Variants in ST6GALNAC5 observed in about 807,000 individuals in gnomAD.
ST6GALNAC5 encodes ST6 N-acetylgalactosaminide alpha-2,6-sialyltransferase 5, also known as alpha-N-acetylgalactosaminide alpha-2,6-sialyltransferase 5.
In ST6GALNAC5, 27 loss-of-function variants were observed where a neutral mutation model predicts 33.6. That is an observed-to-expected ratio of 0.80 (90% CI 0.59 to 1.11). The LOEUF (loss-of-function observed/expected upper bound fraction) is 1.11. Ranked by LOEUF, ST6GALNAC5 falls within the 50% of genes least tolerant of loss-of-function variation. ST6GALNAC5 has a pLI of 0.00. For missense variants in ST6GALNAC5, 428 were observed against 454.0 expected, an observed-to-expected ratio of 0.94 and a Z score of 0.52; for synonymous variants, 194 against 171.2, an observed-to-expected ratio of 1.13 and a Z score of -1.04.
At chr1:76,914,547 A>G (rs1646949060) in intron 2 of ST6GALNAC5, among the ~76,000 whole-genome samples, 1 of 152,176 alleles carries the variant, frequency 6.6e-6, no homozygotes, top group South Asian at 2.1e-4. Context: ...CATATCTACA[A>G]CTATCTGATC....
intron 4 of ST6GALNAC5, among the ~76,000 whole-genome samples, chr1:77,051,422 A>C (rs1417204568): frequency 6.6e-6 from 1 of 152,178 alleles, no homozygotes; most frequent in Non-Finnish European, 1.5e-5. Context: ...AGGGTCAAAA[A>C]TGCTGGGGCT....
At chr1:77,006,772 T>C (rs1185003352) in intron 2 of ST6GALNAC5, among the ~76,000 whole-genome samples, 2 of 152,236 alleles carry the variant, frequency 1.3e-5, no homozygotes, top group African/African-American at 2.4e-5. Flanking sequence ...CTCACAATTA[T>C]ACTGGGTGGC....
chr1:76,978,430 A>G (rs1340739375), intron 2 of ST6GALNAC5, among the ~76,000 whole-genome samples: 1 of 152,184 alleles, frequency 6.6e-6, no homozygotes, highest in Non-Finnish European at 1.5e-5. Flanking sequence ...ATGATTCACC[A>G]TGATCAACTG....
intron 2 of ST6GALNAC5, among the ~76,000 whole-genome samples, chr1:77,015,369 G>A (rs1650791803): frequency 6.6e-6 from 1 of 152,020 alleles, no homozygotes; most frequent in South Asian, 2.1e-4. Context: ...ACCACACTGG[G>A]TAGGACCAGC....
chr1:76,924,657 T>C (rs1221832511), intron 2 of ST6GALNAC5, among the ~76,000 whole-genome samples: 1 of 152,146 alleles, frequency 6.6e-6, no homozygotes, highest in Non-Finnish European at 1.5e-5. Context: ...ATCTACACCA[T>C]ATCCTTGGTG....
In ST6GALNAC5 at chr1:76,992,913, A is replaced by ACT. The variant is rs563273099; in HGVS notation, c.262-51288_262-51287dup. Among the ~76,000 whole-genome samples, 320 of 152,166 alleles carry ACT rather than the reference A, an allele frequency of 2.1e-3. 1 individual carries two copies. Among genetic ancestry groups the ACT allele is most frequent in the Middle Eastern group, 3.4e-3 (1 of 294 alleles). ...TGCAGGTTAGAGACAAAGTATGTCC[A>ACT]CTCTAGGTTCTTGCTGCCCTTGAGC... On this transcript the variant is annotated intron_variant, in intron 2 of 4. Transcript: ENST00000477717.
chr1:76,948,882 T>C (rs897124460), intron 2 of ST6GALNAC5, among the ~76,000 whole-genome samples: 1 of 152,162 alleles, frequency 6.6e-6, no homozygotes, highest in East Asian at 1.9e-4. Flanking sequence ...TACTGAATAT[T>C]CTGTGACACT....
At chr1:76,992,908 T>C (rs1649792846) in intron 2 of ST6GALNAC5, among the ~76,000 whole-genome samples, 1 of 152,192 alleles carries the variant, frequency 6.6e-6, no homozygotes, top group Non-Finnish European at 1.5e-5. Flanking sequence ...AGACAAAGTA[T>C]GTCCACTCTA....
In ST6GALNAC5 at chr1:76,902,976, C is replaced by T. The variant is rs376971980; in HGVS notation, c.261+34234C>T. Among the ~76,000 whole-genome samples, 7 of 152,228 alleles carry T rather than the reference C, an allele frequency of 4.6e-5. No homozygotes were observed. The East Asian group carries it at 1.2e-3, about 25-fold the overall frequency. ...ACTCAGGGATAAATCTGCAGGACCT[C>T]AGATTTGCCAACGAATTCTTAGGTG... is the stretch of plus-strand genomic sequence containing the variant. On this transcript the variant is annotated intron_variant, in intron 2 of 4. Coordinates refer to ENST00000477717, the MANE Select transcript of ST6GALNAC5 (RefSeq NM_030965.3).
chr1:76,977,343 C>A (rs1393250452), intron 2 of ST6GALNAC5, among the ~76,000 whole-genome samples: 1 of 152,052 alleles, frequency 6.6e-6, no homozygotes, highest in African/African-American at 2.4e-5. Flanking sequence ...TCTCTTTTTG[C>A]TGTCTTGAAA....
At position 76,974,913 on chromosome 1, in the gene ST6GALNAC5, G is replaced by A. The variant is rs1317941677; in HGVS notation, c.262-69291G>A. ...TTATTCTCCTGCCTTAGCCTCCTGA[G>A]TAGCTGGGATTACAGGCATGCACCA... On this transcript the variant is annotated intron_variant, in intron 2 of 4. Coordinates refer to ENST00000477717, the MANE Select transcript of ST6GALNAC5 (RefSeq NM_030965.3). Among the ~76,000 whole-genome samples, 5 of 149,624 alleles carry A rather than the reference G, an allele frequency of 3.3e-5. No homozygotes were observed. The East Asian group carries it at 6.1e-4, about 18-fold the overall frequency.
Position 76,979,142 on chromosome 1 carries a change from G to A in ST6GALNAC5, c.262-65062G>A, listed in dbSNP as rs534622825. Among the ~76,000 whole-genome samples, 9 of 152,062 alleles carry A rather than the reference G, an allele frequency of 5.9e-5. No individual in the cohort carries two copies. The South Asian group carries it at 1.7e-3, about 28-fold the overall frequency. On this transcript the variant is annotated intron_variant, in intron 2 of 4. Coordinates refer to ENST00000477717, the MANE Select transcript of ST6GALNAC5 (RefSeq NM_030965.3). ...AATAAGACACAAAAAAAATGGAAAG[G>A]TAACATGTGATTATGGATTGGAAGA... is the stretch of plus-strand genomic sequence containing the variant.
intron 2 of ST6GALNAC5, among the ~76,000 whole-genome samples, chr1:76,896,447 G>A (rs1414286809): frequency 6.6e-6 from 1 of 152,184 alleles, no homozygotes; most frequent in African/African-American, 2.4e-5. Context: ...GAAAGAATAT[G>A]AGAGGTTCTA....
At chr1:76,935,609 T>C (rs1239582539) in intron 2 of ST6GALNAC5, among the ~76,000 whole-genome samples, 1 of 152,058 alleles carries the variant, frequency 6.6e-6, no homozygotes, top group African/African-American at 2.4e-5. Context: ...GTTGTTATGA[T>C]TTAAATTCCT....
chr1:76,874,704 C>T (rs895651967), intron 2 of ST6GALNAC5, among the ~76,000 whole-genome samples: 1 of 152,114 alleles, frequency 6.6e-6, no homozygotes, highest in Non-Finnish European at 1.5e-5. Flanking sequence ...GGTGGCTCTG[C>T]CTTCCCCAGC....
intron 2 of ST6GALNAC5, among the ~76,000 whole-genome samples, chr1:76,990,003 T>C (rs1161413029): frequency 6.6e-6 from 1 of 152,200 alleles, no homozygotes; most frequent in Admixed American, 6.5e-5. Context: ...CAGTTGCTTT[T>C]AGAAAATCTT....
intron 2 of ST6GALNAC5, among the ~76,000 whole-genome samples, chr1:76,898,466 A>G (rs1646780833): frequency 6.6e-6 from 1 of 152,152 alleles, no homozygotes; most frequent in African/African-American, 2.4e-5. Context: ...TAATTTTTGG[A>G]GTTTTATTTA....
chr1:76,980,810 G>T (rs1272880386), intron 2 of ST6GALNAC5, among the ~76,000 whole-genome samples: 1 of 152,058 alleles, frequency 6.6e-6, no homozygotes, highest in African/African-American at 2.4e-5. Flanking sequence ...CCTTGATTAG[G>T]TATGGATTCT....
At chr1:76,949,843 C>T (rs947374206) in intron 2 of ST6GALNAC5, among the ~76,000 whole-genome samples, 1 of 152,128 alleles carries the variant, frequency 6.6e-6, no homozygotes, top group Non-Finnish European at 1.5e-5. Flanking sequence ...AGGCAATAAC[C>T]CTTTTTTAGT....
Sources: gnomAD v4.1 joint callset for allele counts (sites outside exome capture counted in the v4.1 genomes callset) on GRCh38, gnomAD v4.1.1 for gene constraint, MANE v1.5 for transcripts, NCBI Gene and HGNC (gene_info 2026-07-23, HGNC 2026-07-21) for gene names.